The following PRPF8 variants were observed in gnomAD, a reference collection of about 807,000 sequenced individuals.
PRPF8 encodes pre-mRNA-processing-splicing factor 8.
Under a neutral mutation model 285.9 loss-of-function variants are expected in PRPF8, and 64 were observed. That is an observed-to-expected ratio of 0.22 (90% CI 0.18 to 0.28). The LOEUF is 0.28. Ranked by LOEUF, PRPF8 falls within the 10% of genes least tolerant of loss-of-function variation. The pLI is 1.00. For missense variants in PRPF8, 1,426 were observed against 3,026.7 expected (o/e 0.47, Z 12.41); for synonymous variants, 1,325 against 1,118.2 (o/e 1.18, Z -3.69).
chr17:1,674,368 T>C, intron 21 of PRPF8, 74 bp downstream of exon 21: 1 of 1,459,820 alleles, frequency 6.9e-7, no homozygotes, highest in Non-Finnish European at 9.6e-7. Context: ...TCAACTCAGG[T>C]ACAATAGCTG....
rs371005592 is a variant in PRPF8 at position 1,680,626 on chromosome 17, G to A, written c.1098+100C>T. ...GCTCAAGGGGAACACTTAGCAAGAC[G>A]GAAAACACATCTCCCTCCACCTGAG... On this transcript the variant is annotated intron_variant, in intron 8 of 42. Coordinates refer to ENST00000304992, the MANE Select transcript of PRPF8 (RefSeq NM_006445.4). The A allele has an allele frequency of 6.7e-5, 75 of 1,118,392 alleles. 1 individual carries two copies. The highest frequency in any genetic ancestry group is 6.1e-4 in the Admixed American group (34 of 56,004). 69.3% of individuals were successfully genotyped at this position (1,118,392 alleles called of 1,614,324 possible).
In PRPF8 at chr17:1,659,302, AG is replaced by A. The variant is rs1911563159; in HGVS notation, c.5138+54del. 1 of 1,598,412 alleles carries A rather than the reference AG, an allele frequency of 6.3e-7. No homozygotes were observed. Among genetic ancestry groups the A allele is most frequent in the Non-Finnish European group, 8.6e-7 (1 of 1,166,870 alleles). On this transcript the variant is annotated intron_variant, in intron 32 of 42. Coordinates refer to ENST00000304992, the MANE Select transcript of PRPF8 (RefSeq NM_006445.4). The surrounding 1 kb of genome is among the most constrained non-coding windows in gnomAD (Gnocchi z 5.1). ...CGGCCTCCCAAAGTGCTGGGATTAC[AG>A]GTGTGAGCCACTGCGCCTGGCCTGA...
At chr17:1,667,148 G>A (rs969504902) in intron 24 of PRPF8, among the ~76,000 whole-genome samples, 35 of 151,048 alleles carry the variant, frequency 2.3e-4, no homozygotes, top group Non-Finnish European at 4.7e-4. Flanking sequence ...ACTCCAGCCT[G>A]GGCAATAGAG....
In PRPF8 at chr17:1,650,892, G is replaced by A. The variant is rs756489004; in HGVS notation, c.6918C>T (p.His2306=). 40 of 1,614,034 alleles carry A rather than the reference G, an allele frequency of 2.5e-5. No homozygotes were observed. The highest frequency in any genetic ancestry group is 3.1e-5 in the Non-Finnish European group (37 of 1,180,034). ...LQLANPKEFY[H]EVHRPSHFLN... ...GGAAGTGAGAGGGCCTGTGCACCTC[G>A]TGGTAGAACTCTTTGGGGTTCGCCA... is the stretch of plus-strand genomic sequence containing the variant. Residue 2306 remains histidine (H), a synonymous_variant, in exon 43 of 43, where the codon CAC becomes CAT. Coordinates refer to ENST00000304992, the MANE Select transcript of PRPF8 (RefSeq NM_006445.4).
chr17:1,673,903 C>T lies in PRPF8; in HGVS notation c.3300-11G>A, dbSNP rs1433176451. ...TCATCTGCTGTGAACCTACACCAGA[C>T]CAGGTACACTGCTGAGGCCCCAGTA... On this transcript the variant is annotated splice_polypyrimidine_tract_variant and intron_variant, in intron 21 of 42. Coordinates refer to ENST00000304992, the MANE Select transcript of PRPF8 (RefSeq NM_006445.4). The surrounding 1 kb of genome is among the most constrained non-coding windows in gnomAD (Gnocchi z 5.5). 1 of 1,611,832 alleles carries T rather than the reference C, an allele frequency of 6.2e-7. No homozygotes were observed. The highest frequency in any genetic ancestry group is 1.1e-5 in the South Asian group (1 of 91,068).
intron 21 of PRPF8, among the ~76,000 whole-genome samples, chr17:1,674,215 G>C (rs1175210932): frequency 6.6e-6 from 1 of 152,086 alleles, no homozygotes; most frequent in African/African-American, 2.4e-5. Context: ...GTAGAGACGG[G>C]GTTTCACTGT....
At chr17:1,670,405 TCTG>T (rs1236450843) in intron 24 of PRPF8, among the ~76,000 whole-genome samples, 3 of 152,336 alleles carry the variant, frequency 2.0e-5, no homozygotes, top group Admixed American at 2.0e-4. Flanking sequence ...ACCACAAAGT[TCTG>T]CTGATTTTAT....
Position 1,650,691 on chromosome 17 carries a change from C to T in PRPF8, c.*111G>A, listed in dbSNP as rs1910981297. ...GGATGACAAGCCATCAGGAGGTCAA[C>T]AACACAAGCACAGACAGAGGGAAAG... On this transcript the variant is annotated 3_prime_UTR_variant, in exon 43 of 43. Transcript: ENST00000304992. The T allele has an allele frequency of 1.5e-6, 2 of 1,312,900 alleles. No individual in the cohort carries two copies. The highest frequency in any genetic ancestry group is 1.1e-6 in the Non-Finnish European group (1 of 912,896). The allele number at this position is 1,312,900 out of a possible 1,614,324, so 81.3% of individuals were successfully genotyped here.
intron 24 of PRPF8, among the ~76,000 whole-genome samples, chr17:1,670,895 A>C (rs904791707): frequency 5.9e-5 from 9 of 152,040 alleles, no homozygotes; most frequent in African/African-American, 2.2e-4. Context: ...ATCATCTAAC[A>C]CAGAAATTTG....
rs947632432 is a variant in PRPF8, at chr17:1,659,171, G to A, written c.5138+186C>T. ...CTTCTGAGTAGCTGGGACTACAGGC[G>A]TGGACCACCACGCCCAGCTAATTTT... is the stretch of plus-strand genomic sequence containing the variant. On this transcript the variant is annotated intron_variant, in intron 32 of 42. Transcript: ENST00000304992. This position sits in a 1 kb window ranked among gnomAD's most constrained non-coding sequence, Gnocchi z 5.1. The A allele has an allele frequency of 5.0e-5, 36 of 713,940 alleles. No individual in the cohort carries two copies. Among genetic ancestry groups the A allele is most frequent in the Admixed American group, 2.4e-4 (11 of 46,116 alleles). The allele number at this position is 713,940 out of a possible 1,614,324, so 44.2% of individuals were successfully genotyped here.
At chr17:1,665,239 T>C (rs949901874) in intron 24 of PRPF8, among the ~76,000 whole-genome samples, 14 of 148,196 alleles carry the variant, frequency 9.4e-5, no homozygotes, top group African/African-American at 3.5e-4. Flanking sequence ...AATAATACTA[T>C]TAGAAAAAGA....
chr17:1,684,321 C>T (rs1913108570), intron 2 of PRPF8, 151 bp downstream of exon 2: 1 of 811,140 alleles, frequency 1.2e-6, no homozygotes, highest in Non-Finnish European at 2.1e-6. Flanking sequence ...AAATAATACG[C>T]GCTTAAAATG....
chr17:1,679,861 G>A lies in PRPF8; in HGVS notation c.1099-62C>T. 1 of 1,584,258 alleles carries A rather than the reference G, an allele frequency of 6.3e-7. No individual in the cohort carries two copies. Among genetic ancestry groups the A allele is most frequent in the Non-Finnish European group, 8.7e-7 (1 of 1,152,788 alleles). On this transcript the variant is annotated intron_variant, in intron 8 of 42. Transcript: ENST00000304992. The surrounding 1 kb of genome is among the most constrained non-coding windows in gnomAD (Gnocchi z 4.7). ...TGAACTAGGCACAGACTTAAGATGA[G>A]GGAAATTCTCTGGGGCCAAGCACAA...
Position 1,673,396 on chromosome 17 carries a change from C to T in PRPF8, c.3618G>A (p.Glu1206=). The T allele has an allele frequency of 1.2e-6, 2 of 1,614,138 alleles. No homozygotes were observed. Among genetic ancestry groups the T allele is most frequent in the Non-Finnish European group, 8.5e-7 (1 of 1,180,032 alleles). Residue 1206 remains glutamate, a synonymous_variant, in exon 23 of 43, where the codon GAG becomes GAA. Coordinates refer to ENST00000304992, the MANE Select transcript of PRPF8 (RefSeq NM_006445.4). This position sits in a 1 kb window ranked among gnomAD's most constrained non-coding sequence, Gnocchi z 5.5. Reference sequence around the variant, plus strand: ...TCCAGACCCCGTCCTTGTGGGTGAACTCCTCATAGCTGGTGCGGCACTTAG... The same window carrying T: ...TCCAGACCCCGTCCTTGTGGGTGAATTCCTCATAGCTGGTGCGGCACTTAG... ...ILPKCRTSYE[E]FTHKDGVWNL...
In PRPF8 at chr17:1,681,070, A is replaced by C. The variant is rs748723889; in HGVS notation, c.867-16T>G. ...GTCTTCATCCCTAGGGTACAACATC[A>C]AGAATAAGCAGACTTTTTTTTTTTT... On this transcript the variant is annotated splice_polypyrimidine_tract_variant and intron_variant, in intron 6 of 42. Transcript: ENST00000304992. 15 of 1,612,068 alleles carry C rather than the reference A, an allele frequency of 9.3e-6. No individual in the cohort carries two copies. The highest frequency in any genetic ancestry group is 1.3e-5 in the Non-Finnish European group (15 of 1,178,588).
chr17:1,659,989 C>T lies in PRPF8; in HGVS notation c.4798G>A (p.Glu1600Lys), dbSNP rs749149403. The T allele has an allele frequency of 6.2e-7, 1 of 1,614,128 alleles. No homozygotes were observed. The highest frequency in any genetic ancestry group is 8.5e-7 in the Non-Finnish European group (1 of 1,179,996). Reference sequence around the variant, plus strand: ...GTCTCAATTTCCAGTGCATCAAGTTCCTGGTCAAACACCTGAAGGAAAACA... The same window carrying T: ...GTCTCAATTTCCAGTGCATCAAGTTTCTGGTCAAACACCTGAAGGAAAACA... Reference protein sequence around the residue: ...VMDLCQVFDQELDALEIETVQ... With the variant: ...VMDLCQVFDQKLDALEIETVQ... Residue 1600 changes from glutamate to lysine, a missense_variant, in exon 31 of 43, where the codon GAA becomes AAA. Around this residue, in one of 34 missense-constraint regions of PRPF8, gnomAD observed 21 missense variants for 16.5 expected, o/e 1.27. Coordinates refer to ENST00000304992, the MANE Select transcript of PRPF8 (RefSeq NM_006445.4). The surrounding 1 kb of genome is among the most constrained non-coding windows in gnomAD (Gnocchi z 5.1).
intron 14 of PRPF8, 101 bp downstream of exon 14, chr17:1,677,464 G>A: frequency 6.4e-7 from 1 of 1,551,706 alleles, no homozygotes; most frequent in Non-Finnish European, 8.9e-7. Flanking sequence ...AGGCAATCCA[G>A]TAGGAAGAGT....
Position 1,677,190 on chromosome 17 carries a change from C to T in PRPF8, c.1985-18G>A. The T allele has an allele frequency of 1.9e-6, 3 of 1,610,838 alleles. No homozygotes were observed. Among genetic ancestry groups the T allele is most frequent in the Non-Finnish European group, 2.5e-6 (3 of 1,178,642 alleles). On this transcript the variant is annotated intron_variant, in intron 14 of 42. Coordinates refer to ENST00000304992, the MANE Select transcript of PRPF8 (RefSeq NM_006445.4). ...GTGTCGACCTGGAAGTAGAGTGTCC[C>T]AAGGGGATTACAAGGAAGATTCCTT...
At chr17:1,657,817 A>C (rs944728538) in intron 34 of PRPF8, among the ~76,000 whole-genome samples, 6 of 149,026 alleles carry the variant, frequency 4.0e-5, no homozygotes, top group African/African-American at 1.2e-4. Flanking sequence ...AAAATACAAA[A>C]AAAATTAGCC....
Sources: gnomAD v4.1 joint callset for allele counts (sites outside exome capture counted in the v4.1 genomes callset) on GRCh38, gnomAD v4.1.1 for gene constraint, gnomAD v4.1.1 regional missense constraint, Gnocchi (gnomAD v3.1) non-coding constraint, MANE v1.5 for transcripts, NCBI Gene and HGNC (gene_info 2026-07-23, HGNC 2026-07-21) for gene names.